The following NUCB2 variants were observed in gnomAD, a reference collection of about 807,000 sequenced individuals.
The protein encoded by NUCB2 is nucleobindin 2.
NUCB2 carries 48 observed loss-of-function variants against 57.9 expected under a neutral mutation model. That is an observed-to-expected ratio of 0.83 (90% CI 0.66 to 1.05). The LOEUF (loss-of-function observed/expected upper bound fraction) is 1.05, where lower values mean the gene tolerates loss of function less well. NUCB2 is among the 50% of genes least tolerant of loss of function. The pLI is 0.00. For missense variants in NUCB2, 442 were observed against 476.2 expected (o/e 0.93, Z 0.67); for synonymous variants, 139 against 152.1 (o/e 0.91, Z 0.64).
intron 11 of NUCB2, among the ~76,000 whole-genome samples, chr11:17,327,491 A>G (rs1160167088): frequency 1.3e-5 from 2 of 152,162 alleles, no homozygotes; most frequent in African/African-American, 4.8e-5. Context: ...TTTTGATATT[A>G]TTCCTTTGAA....
At chr11:17,307,598 A>G (rs892425045) in intron 5 of NUCB2, among the ~76,000 whole-genome samples, 3 of 152,214 alleles carry the variant, frequency 2.0e-5, no homozygotes, top group African/African-American at 4.8e-5. Flanking sequence ...GTATTAGTAC[A>G]TAGAGACCAT....
At chr11:17,328,877 G>A (rs146420245) in intron 11 of NUCB2, among the ~76,000 whole-genome samples, 45 of 152,130 alleles carry the variant, frequency 3.0e-4, no homozygotes, top group East Asian at 1.2e-3. Flanking sequence ...GGGGTCTCTC[G>A]CCATAGCCAC....
intron 10 of NUCB2, among the ~76,000 whole-genome samples, 171 bp from the exon 11 acceptor site, chr11:17,315,215 A>G (rs1230982486): frequency 1.3e-5 from 2 of 152,166 alleles, no homozygotes; most frequent in African/African-American, 4.8e-5. Context: ...TAATTCTAGT[A>G]TAATGTTGAG....
At chr11:17,297,617 G>A (rs1318036510) in intron 4 of NUCB2, among the ~76,000 whole-genome samples, 4 of 152,150 alleles carry the variant, frequency 2.6e-5, no homozygotes, top group Non-Finnish European at 4.4e-5. Flanking sequence ...GGGTGACATA[G>A]AAAATGTGGA....
rs577399654 is a variant in NUCB2 at position 17,323,061 on chromosome 11, A to G, written c.1003-7066A>G. Among the ~76,000 whole-genome samples the G allele has an allele frequency of 9.2e-5, 14 of 152,014 alleles. No individual in the cohort carries two copies. In the East Asian group the frequency reaches 2.7e-3, roughly 29 times the overall value. The stretch of plus-strand genomic sequence containing the variant: ...TTTGACTTCTTCCATTCCAGTTTGG[A>G]TGCCCTTTATATCTTTCTCTTGTCT... On this transcript the variant is annotated intron_variant, in intron 11 of 13. Transcript: ENST00000529010.
chr11:17,328,945 C>A (rs1263794142), intron 11 of NUCB2, among the ~76,000 whole-genome samples: 1 of 152,204 alleles, frequency 6.6e-6, no homozygotes, highest in Non-Finnish European at 1.5e-5. Flanking sequence ...CCAAGACCCA[C>A]AGCATACTCC....
chr11:17,349,959 AG>A (rs1392616308), exon 3 of NUCB2: 4 of 152,228 alleles, frequency 2.6e-5, no homozygotes, highest in Non-Finnish European at 5.9e-5. Context: ...GAACACAGAA[AG>A]TCAGAGTTTT....
intron 2 of NUCB2, among the ~76,000 whole-genome samples, chr11:17,293,564 A>G (rs1945309893): frequency 6.6e-6 from 1 of 152,238 alleles, no homozygotes; most frequent in Admixed American, 6.5e-5. Context: ...AAAAGAATTG[A>G]AAACCTGTTA....
rs935508487 is a variant in NUCB2, at chr11:17,331,627, T to G, written c.*208T>G. 2 of 394,572 alleles carry G rather than the reference T, an allele frequency of 5.1e-6. No homozygotes were observed. Among genetic ancestry groups the G allele is most frequent in the Middle Eastern group, 6.6e-4 (1 of 1,512 alleles). The allele number at this position is 394,572 out of a possible 1,614,324, so 24.4% of individuals were successfully genotyped here. Reference sequence around the variant, plus strand: ...AGAACCAGGAAGAAAACAAACTCACTGTCTGCTCTCTGCTCTCACATTCAC... The same window carrying G: ...AGAACCAGGAAGAAAACAAACTCACGGTCTGCTCTCTGCTCTCACATTCAC... On this transcript the variant is annotated 3_prime_UTR_variant, in exon 14 of 14. Coordinates refer to ENST00000529010, the MANE Select transcript of NUCB2 (RefSeq NM_005013.4).
At chr11:17,287,734 T>C (rs1278457399) in intron 2 of NUCB2, among the ~76,000 whole-genome samples, 1 of 151,122 alleles carries the variant, frequency 6.6e-6, no homozygotes, top group Non-Finnish European at 1.5e-5. Context: ...ATGTGGTGGC[T>C]CACTCCTGTA....
At chr11:17,334,490 T>C (rs968867785), downstream of NUCB2, 17 of 152,266 alleles carry the variant, frequency 1.1e-4, no homozygotes, top group Non-Finnish European at 2.1e-4. Context: ...AGTGAGTGAA[T>C]CTGATGGACT....
chr11:17,286,737 A>G (rs1015250589), intron 2 of NUCB2: 13 of 152,138 alleles, frequency 8.5e-5, no homozygotes, highest in African/African-American at 3.1e-4. Context: ...CCTTCTTCCT[A>G]TTGCCTGTCC....
chr11:17,333,022 T>C (rs1951535943), downstream of NUCB2: 1 of 152,138 alleles, frequency 6.6e-6, no homozygotes, highest in African/African-American at 2.4e-5. Flanking sequence ...TCCCTAAAAT[T>C]GACCTTTTAG....
chr11:17,299,791 C>G (rs979651290), intron 4 of NUCB2, among the ~76,000 whole-genome samples: 21 of 152,002 alleles, frequency 1.4e-4, no homozygotes, highest in African/African-American at 4.8e-4. Flanking sequence ...GTAGTCCTAG[C>G]TACTCGGGAG....
chr11:17,323,955 C>T (rs574575022), intron 11 of NUCB2, among the ~76,000 whole-genome samples: 3 of 152,154 alleles, frequency 2.0e-5, no homozygotes, highest in Admixed American at 6.5e-5. Flanking sequence ...TTTGGGTTTT[C>T]TCTCTTTGTC....
intron 5 of NUCB2, among the ~76,000 whole-genome samples, chr11:17,304,137 C>A (rs374100883): frequency 2.6e-5 from 4 of 151,868 alleles, no homozygotes; most frequent in African/African-American, 9.7e-5. Flanking sequence ...TAAATAACAT[C>A]GCTTTGGAGG....
At chr11:17,346,972 C>T (rs143430840) in intron 2 of NUCB2, among the ~76,000 whole-genome samples, 64 of 152,248 alleles carry the variant, frequency 4.2e-4, no homozygotes, top group African/African-American at 1.5e-3. Flanking sequence ...AGACAGGTCT[C>T]AGTTAATTTA....
intron 5 of NUCB2, among the ~76,000 whole-genome samples, chr11:17,302,941 T>C (rs974763402): frequency 3.3e-5 from 5 of 152,152 alleles, no homozygotes; most frequent in East Asian, 1.9e-4. Flanking sequence ...GGTTTCACCA[T>C]GTTAGCCAGG....
intron 2 of NUCB2, among the ~76,000 whole-genome samples, chr11:17,341,744 C>T (rs968753014): frequency 3.3e-5 from 5 of 152,064 alleles, no homozygotes; most frequent in African/African-American, 7.3e-5. Context: ...ATTTTTGCAT[C>T]GATGTTCATC....
Sources: gnomAD v4.1 joint callset for allele counts (sites outside exome capture counted in the v4.1 genomes callset) on GRCh38, gnomAD v4.1.1 for gene constraint, MANE v1.5 for transcripts, NCBI Gene and HGNC (gene_info 2026-07-23, HGNC 2026-07-21) for gene names.